The following PKN2 variants were observed in gnomAD, a reference collection of about 807,000 sequenced individuals.
The protein encoded by PKN2 is protein kinase N2.
A neutral mutation model predicts 119.1 loss-of-function variants in PKN2; 38 were observed. The ratio of observed to expected loss-of-function variants is 0.32; its 90% CI spans 0.25 to 0.42. The LOEUF is 0.42. Ranked by LOEUF, PKN2 falls within the 10% of genes least tolerant of loss-of-function variation. PKN2 has a pLI of 1.00. For missense variants in PKN2, 850 were observed against 1,165.1 expected, an observed-to-expected ratio of 0.73 and a Z score of 3.94; for synonymous variants, 390 against 384.9, an observed-to-expected ratio of 1.01 and a Z score of -0.15.
chr1:88,822,613 C>T (rs1470317360), intron 17 of PKN2, among the ~76,000 whole-genome samples: 1 of 145,220 alleles, frequency 6.9e-6, no homozygotes, highest in African/African-American at 2.6e-5. Flanking sequence ...GAGTTTCGCT[C>T]TTGTCACCCA....
intron 1 of PKN2, among the ~76,000 whole-genome samples, chr1:88,712,187 T>C (rs758370012): frequency 6.6e-6 from 1 of 152,166 alleles, no homozygotes; most frequent in Non-Finnish European, 1.5e-5. Context: ...ATATTAAATA[T>C]GTTTCTGTAA....
chr1:88,709,492 G>A (rs1306682189), intron 1 of PKN2, among the ~76,000 whole-genome samples: 1 of 152,162 alleles, frequency 6.6e-6, no homozygotes, highest in Non-Finnish European at 1.5e-5. Context: ...GAGAACTGCT[G>A]AATTGGGATA....
chr1:88,784,223 A>C (rs1390899141), intron 6 of PKN2, among the ~76,000 whole-genome samples: 1 of 143,866 alleles, frequency 7.0e-6, no homozygotes, highest in Non-Finnish European at 1.5e-5. Flanking sequence ...TCTTGGGTTC[A>C]AGCAATTCTT....
chr1:88,715,078 T>G (rs1033670971), intron 1 of PKN2, among the ~76,000 whole-genome samples: 3 of 152,196 alleles, frequency 2.0e-5, no homozygotes, highest in Admixed American at 6.5e-5. Flanking sequence ...ATTACATTTA[T>G]TGATTTGCAT....
chr1:88,723,682 C>T (rs919263254), intron 1 of PKN2, among the ~76,000 whole-genome samples: 31 of 152,182 alleles, frequency 2.0e-4, no homozygotes, highest in African/African-American at 7.5e-4. Flanking sequence ...CTTGGCCTCC[C>T]AAAGTGTAAA....
At chr1:88,733,438 A>T (rs1668222712) in intron 1 of PKN2, among the ~76,000 whole-genome samples, 1 of 152,124 alleles carries the variant, frequency 6.6e-6, no homozygotes, top group Admixed American at 6.5e-5. Flanking sequence ...ATGATTAGTG[A>T]TGTTGAACAT....
At position 88,771,864 on chromosome 1, in the gene PKN2, C is replaced by T; in HGVS notation, c.970C>T (p.Pro324Ser). 2 of 1,611,554 alleles carry T rather than the reference C, an allele frequency of 1.2e-6. No individual in the cohort carries two copies. The highest frequency in any genetic ancestry group is 1.7e-6 in the Non-Finnish European group (2 of 1,177,782). Reference sequence around the variant, plus strand: ...AAATCAATATAGTACACTATCCAAACCAGCAGCACTAACAGGTATGTAGTG... The same window carrying T: ...AAATCAATATAGTACACTATCCAAATCAGCAGCACTAACAGGTATGTAGTG... Reference protein sequence around the residue: ...TQNQYSTLSKPAALTGTLEVR... With the variant: ...TQNQYSTLSKSAALTGTLEVR... Residue 324 changes from proline to serine, a missense_variant, in exon 6 of 22, where the codon CCA becomes TCA. Physicochemically the swap from Pro to Ser is moderately conservative, Grantham distance 74. Transcript: ENST00000370521.
At chr1:88,822,098 C>T in intron 17 of PKN2, 95 bp downstream of exon 17, 1 of 1,145,666 alleles carries the variant, frequency 8.7e-7, no homozygotes, top group Non-Finnish European at 1.2e-6. Context: ...TATGTTTAAC[C>T]AGTTTCTTAG....
At chr1:88,795,841 C>T (rs368951476) in intron 8 of PKN2, among the ~76,000 whole-genome samples, 4 of 152,084 alleles carry the variant, frequency 2.6e-5, no homozygotes, top group Non-Finnish European at 5.9e-5. Context: ...TAATAAAAGG[C>T]GACATATTGA....
Position 88,720,775 on chromosome 1 carries a change from C to G in PKN2, c.49-20213C>G, listed in dbSNP as rs148014037. Among the ~76,000 whole-genome samples, 18 of 152,240 alleles carry G rather than the reference C, an allele frequency of 1.2e-4. No individual in the cohort carries two copies. The East Asian group carries it at 3.3e-3, about 28-fold the overall frequency. ...CAGTGTATGTCTTCTGTCCCTCACC[C>G]CACTCCCACCTTTCCCTCTGGTGTT... On this transcript the variant is annotated intron_variant, in intron 1 of 21. Coordinates refer to ENST00000370521, the MANE Select transcript of PKN2 (RefSeq NM_006256.4).
intron 15 of PKN2, among the ~76,000 whole-genome samples, chr1:88,811,484 G>T (rs1671781212): frequency 6.6e-6 from 1 of 152,124 alleles, no homozygotes; most frequent in Non-Finnish European, 1.5e-5. Context: ...AATAAAGGTG[G>T]CTAGATAGAG....
chr1:88,754,331 G>A (rs895540351), intron 2 of PKN2, among the ~76,000 whole-genome samples: 10 of 151,680 alleles, frequency 6.6e-5, no homozygotes, highest in Non-Finnish European at 1.0e-4. Context: ...TCTGTGTCTG[G>A]TCTGCTATTA....
chr1:88,807,103 G>A (rs1178374467), intron 12 of PKN2, among the ~76,000 whole-genome samples: 3 of 152,012 alleles, frequency 2.0e-5, no homozygotes, highest in African/African-American at 4.8e-5. Flanking sequence ...ATTGCTTGTG[G>A]CTGGGAATTC....
At chr1:88,710,793 A>G (rs1034760484) in intron 1 of PKN2, among the ~76,000 whole-genome samples, 1 of 152,236 alleles carries the variant, frequency 6.6e-6, no homozygotes, top group Non-Finnish European at 1.5e-5. Flanking sequence ...CAATTTCATT[A>G]TTTTGTATAT....
intron 3 of PKN2, among the ~76,000 whole-genome samples, chr1:88,763,611 A>C (rs1252343131): frequency 6.6e-6 from 1 of 151,138 alleles, no homozygotes; most frequent in Non-Finnish European, 1.5e-5. Context: ...CCATCTCAAA[A>C]AAAAAAAAAA....
In PKN2 at chr1:88,724,583, T is replaced by C. The variant is rs542922825; in HGVS notation, c.49-16405T>C. 3.1e-4 allele frequency among the ~76,000 whole-genome samples: 47 copies of C among 152,054 alleles called. 1 individual carries two copies. The highest frequency in any genetic ancestry group is 1.9e-3 in the South Asian group (9 of 4,818). On this transcript the variant is annotated intron_variant, in intron 1 of 21. Coordinates refer to ENST00000370521, the MANE Select transcript of PKN2 (RefSeq NM_006256.4). ...TGTTCCAAGGGATTACTCTTTTTTT[T>C]TTTTTTGAGACGGAGTCTTGCTCTG...
At chr1:88,723,410 G>GCCCC (rs35424856) in intron 1 of PKN2, among the ~76,000 whole-genome samples, 41 of 125,200 alleles carry the variant, frequency 3.3e-4, no homozygotes, top group African/African-American at 1.1e-3. Context: ...ACCGTGCCCT[G>GCCCC]CCCCCCCCCC....
chr1:88,757,503 A>G (rs1669252453), intron 2 of PKN2, among the ~76,000 whole-genome samples: 1 of 152,154 alleles, frequency 6.6e-6, no homozygotes, highest in Admixed American at 6.5e-5. Context: ...ATATAAAACA[A>G]TATGAAATAC....
Position 88,807,610 on chromosome 1 carries a change from C to CTTTTTGGAAT in PKN2, c.2010+17_2010+26dup, listed in dbSNP as rs748498658. The CTTTTTGGAAT allele has an allele frequency of 1.8e-5, 29 of 1,604,672 alleles. No individual in the cohort carries two copies. Among genetic ancestry groups the CTTTTTGGAAT allele is most frequent in the Non-Finnish European group, 2.0e-5 (24 of 1,173,998 alleles). Reference sequence around the variant, plus strand: ...GAAGAGGACATTTTGGAAAGGTAATCTTTTTGGAATTTTTTGGAATATCTA... The same window carrying CTTTTTGGAAT: ...GAAGAGGACATTTTGGAAAGGTAATCTTTTTGGAATTTTTTGGAATTTTTTGGAATATCTA... On this transcript the variant is annotated splice_region_variant and intron_variant, in intron 14 of 21. Transcript: ENST00000370521.
Sources: allele counts gnomAD v4.1 joint callset (sites outside exome capture counted in the v4.1 genomes callset), GRCh38; gene constraint gnomAD v4.1.1; transcripts MANE v1.5; gene names NCBI Gene and HGNC (gene_info 2026-07-23, HGNC 2026-07-21).